The following GGTA1 variants were observed in gnomAD, a reference collection of about 807,000 sequenced individuals.
GGTA1 encodes the protein inactive N-acetyllactosaminide alpha-1,3-galactosyltransferase.
In GGTA1, 5 loss-of-function variants were observed where a neutral mutation model predicts 2.6. That is an observed-to-expected ratio of 1.92 (90% CI 1.00 to 4.04). The LOEUF is 4.04. GGTA1 is among the 30% of genes most tolerant of loss of function. GGTA1 has a pLI of 0.00. For synonymous variants in GGTA1, 17 were observed against 5.0 expected (o/e 3.38, Z -3.19); for missense variants, 50 against 16.7 (o/e 2.99, Z -3.47).
At chr9:121,488,486 A>C (rs1828807026) in intron 1 of GGTA1, among the ~76,000 whole-genome samples, 1 of 152,132 alleles carries the variant, frequency 6.6e-6, no homozygotes, top group Non-Finnish European at 1.5e-5. Flanking sequence ...AGGCCAAGGT[A>C]GGTGGATCAC....
At chr9:121,465,489 A>G (rs2064998961) in intron 2 of GGTA1, among the ~76,000 whole-genome samples, 1 of 152,230 alleles carries the variant, frequency 6.6e-6, no homozygotes, top group African/African-American at 2.4e-5. Context: ...CCCTGCCCTC[A>G]GTGCGATGAT....
chr9:121,458,052 G>A (rs570556221), intron 5 of GGTA1, among the ~76,000 whole-genome samples: 2 of 151,420 alleles, frequency 1.3e-5, no homozygotes, highest in Non-Finnish European at 2.9e-5. Context: ...TGAGATTACA[G>A]GCACCCACAA....
At chr9:121,454,860 C>T (rs183080538), downstream of GGTA1, among the ~76,000 whole-genome samples, 1 of 151,960 alleles carries the variant, frequency 6.6e-6, no homozygotes, top group African/African-American at 2.4e-5. Context: ...TAAAAAAATA[C>T]AAAATTAGCC....
chr9:121,466,901 C>T (rs1349071596), intron 2 of GGTA1, among the ~76,000 whole-genome samples: 6 of 147,862 alleles, frequency 4.1e-5, no homozygotes, highest in Admixed American at 2.1e-4. Context: ...TGCAGTGAGT[C>T]GAGATCATGC....
chr9:121,484,806 G>A (rs1449791184), intron 1 of GGTA1, among the ~76,000 whole-genome samples: 8 of 152,204 alleles, frequency 5.3e-5, no homozygotes, highest in Non-Finnish European at 1.2e-4. Context: ...GACACGCAGA[G>A]TGATCCTCCT....
intron 3 of GGTA1, among the ~76,000 whole-genome samples, chr9:121,462,250 A>G (rs1396327020): frequency 6.6e-6 from 1 of 152,080 alleles, no homozygotes; most frequent in African/African-American, 2.4e-5. Context: ...GCTTGAACCC[A>G]GGAGAAGGAG....
chr9:121,483,354 A>G (rs1564656755), intron 1 of GGTA1, among the ~76,000 whole-genome samples: 1 of 152,236 alleles, frequency 6.6e-6, no homozygotes, highest in Non-Finnish European at 1.5e-5. Context: ...CTGGCTGGTC[A>G]GCCACAGCTT....
chr9:121,477,699 C>A (rs1271177597), intron 1 of GGTA1, among the ~76,000 whole-genome samples: 2 of 151,828 alleles, frequency 1.3e-5, no homozygotes, highest in Non-Finnish European at 2.9e-5. Flanking sequence ...CCTCAGCCAC[C>A]CGAGTAGCTG....
At chr9:121,463,694 TTC>T (rs2064979387) in intron 2 of GGTA1, among the ~76,000 whole-genome samples, 1 of 152,046 alleles carries the variant, frequency 6.6e-6, no homozygotes, top group Non-Finnish European at 1.5e-5. Flanking sequence ...TGGCCTCAAA[TTC>T]TGTTTTGTTT....
chr9:121,452,982 C>T (rs77971118), downstream of GGTA1, among the ~76,000 whole-genome samples: 3 of 152,152 alleles, frequency 2.0e-5, no homozygotes, highest in Non-Finnish European at 4.4e-5. Context: ...GTTATTTATC[C>T]CTGTGGATGT....
chr9:121,479,448 T>G (rs540513114), intron 1 of GGTA1: 55 of 259,070 alleles, frequency 2.1e-4, no homozygotes, highest in African/African-American at 1.3e-3. Context: ...TCAGGCCTGT[T>G]GACTCAGAGC....
chr9:121,448,023 C>A (rs948018577), intron 7 of GGTA1, among the ~76,000 whole-genome samples: 3 of 152,184 alleles, frequency 2.0e-5, no homozygotes, highest in African/African-American at 7.2e-5. Context: ...TTCTCACATC[C>A]AGAGGCCTGT....
At chr9:121,494,160 G>C (rs1474225482) in intron 1 of GGTA1, among the ~76,000 whole-genome samples, 1 of 152,124 alleles carries the variant, frequency 6.6e-6, no homozygotes, top group African/African-American at 2.4e-5. Context: ...AGCCACACAG[G>C]GTTTCAGAGA....
At chr9:121,464,324 GT>G (rs10681377) in intron 2 of GGTA1, among the ~76,000 whole-genome samples, 49 of 111,876 alleles carry the variant, frequency 4.4e-4, no homozygotes, top group East Asian at 1.3e-3. Context: ...CCTCCTTGAG[GT>G]TTTTTTTTTT....
intron 2 of GGTA1, among the ~76,000 whole-genome samples, chr9:121,467,056 A>C (rs528453060): frequency 2.0e-5 from 3 of 152,258 alleles, no homozygotes; most frequent in African/African-American, 7.2e-5. Flanking sequence ...GAAAATATTA[A>C]TGGTACCAAA....
chr9:121,466,320 G>A (rs931091351), intron 2 of GGTA1, among the ~76,000 whole-genome samples: 6 of 152,152 alleles, frequency 3.9e-5, no homozygotes, highest in East Asian at 1.9e-4. Context: ...AGTGGGAAAC[G>A]TCCTCAGCCC....
intron 5 of GGTA1, among the ~76,000 whole-genome samples, chr9:121,458,615 G>C (rs2064933396): frequency 7.1e-6 from 1 of 141,568 alleles, no homozygotes; most frequent in Middle Eastern, 3.3e-3. Flanking sequence ...GGCAGAATGA[G>C]ACCCTGTCTC....
intron 7 of GGTA1, among the ~76,000 whole-genome samples, chr9:121,449,747 G>A (rs921871800): frequency 5.3e-5 from 8 of 150,788 alleles, no homozygotes; most frequent in Non-Finnish European, 1.5e-5. Flanking sequence ...GGCTAAGGCA[G>A]GAGAATTGCC....
At chr9:121,494,060 A>G (rs1828937266) in intron 1 of GGTA1, among the ~76,000 whole-genome samples, 1 of 152,014 alleles carries the variant, frequency 6.6e-6, no homozygotes, top group Non-Finnish European at 1.5e-5. Context: ...CCCAGCCGCT[A>G]GGCTCACTCT....
Sources: gnomAD v4.1 joint callset for allele counts (sites outside exome capture counted in the v4.1 genomes callset) on GRCh38, gnomAD v4.1.1 for gene constraint, MANE v1.5 for transcripts, NCBI Gene and HGNC (gene_info 2026-07-23, HGNC 2026-07-21) for gene names.